RECK: variants seen among roughly 807,000 people sequenced by gnomAD.
RECK encodes reversion-inducing cysteine-rich protein with Kazal motifs.
In RECK, 69 loss-of-function variants were observed where a neutral mutation model predicts 115.1. That is an observed-to-expected ratio of 0.60 (90% CI 0.49 to 0.73). The LOEUF is 0.73. RECK is among the 30% of genes least tolerant of loss of function. The probability of loss-of-function intolerance (pLI) is 0.00; values close to 1 mark genes in which losing one functional copy is unlikely to be tolerated. For synonymous variants in RECK, 414 were observed against 419.7 expected, an observed-to-expected ratio of 0.99 and a Z score of 0.17; for missense variants, 1,047 against 1,203.7, an observed-to-expected ratio of 0.87 and a Z score of 1.93.
chr9:36,049,062 G>C (rs973325744), intron 1 of RECK, among the ~76,000 whole-genome samples: 19 of 152,050 alleles, frequency 1.2e-4, no homozygotes, highest in Non-Finnish European at 2.2e-4. Flanking sequence ...AATATAAGGG[G>C]TACAATTCAG....
At chr9:36,119,010 A>T in intron 18 of RECK, 43 bp downstream of exon 18, 5 of 1,576,146 alleles carry the variant, frequency 3.2e-6, no homozygotes, top group Non-Finnish European at 4.3e-6. Flanking sequence ...GACTGAGAAG[A>T]TTTGCTTATC....
rs183584600 is a variant in RECK at position 36,054,698 on chromosome 9, A to C, written c.159+2375A>C. Among the ~76,000 whole-genome samples, 52 of 152,220 alleles carry C rather than the reference A, an allele frequency of 3.4e-4. No homozygotes were observed. In the East Asian group the frequency reaches 8.3e-3, roughly 24 times the overall value. Reference sequence around the variant, plus strand: ...TAAAAGTCACACTGCAGGCATTAAAAATTTTTTAATAAAAATATTTACAGT... The same window carrying C: ...TAAAAGTCACACTGCAGGCATTAAACATTTTTTAATAAAAATATTTACAGT... On this transcript the variant is annotated intron_variant, in intron 2 of 20. Coordinates refer to ENST00000377966, the MANE Select transcript of RECK (RefSeq NM_021111.3).
At chr9:36,083,234 A>C (rs1285546663) in intron 7 of RECK, 131 bp from the exon 8 acceptor site, 24 of 903,612 alleles carry the variant, frequency 2.7e-5, no homozygotes, top group Non-Finnish European at 4.0e-5. Flanking sequence ...GCCGATTTTA[A>C]GTGTTCATCG....
chr9:36,115,703 C>T (rs1025060473), intron 16 of RECK, among the ~76,000 whole-genome samples: 36 of 152,024 alleles, frequency 2.4e-4, no homozygotes, highest in Non-Finnish European at 4.7e-4. Flanking sequence ...TGCATAGTGA[C>T]GGTGGTAGTG....
chr9:36,058,748 T>C lies in RECK; in HGVS notation c.160-79T>C, dbSNP rs540343717. The C allele has an allele frequency of 7.7e-6, 6 of 783,114 alleles. No homozygotes were observed. In the South Asian group the frequency reaches 1.3e-4, roughly 17 times the overall value. 48.5% of individuals were successfully genotyped at this position (783,114 alleles called of 1,614,324 possible). On this transcript the variant is annotated intron_variant, in intron 2 of 20. Coordinates refer to ENST00000377966, the MANE Select transcript of RECK (RefSeq NM_021111.3). ...GAAAATATTCTAGACAACTGATAAA[T>C]CTAGAGGATAATAAGTTTTACCTCT...
At position 36,116,992 on chromosome 9, in the gene RECK, C is replaced by A. The variant is rs763634592; in HGVS notation, c.2068C>A (p.Pro690Thr). ...NPCQKNQRCI[P>T]KPQVCLTTFD... Reference sequence around the variant, plus strand: ...TGCATTCGTCTTTTTCAGGTGCATACCCAAACCACAGGTCTGCCTGACGAC... The same window carrying A: ...TGCATTCGTCTTTTTCAGGTGCATAACCAAACCACAGGTCTGCCTGACGAC... The change falls in exon 17 of 21, where the codon CCC (proline) becomes ACC (threonine). Residue 690 changes from proline (P) to threonine (T), a missense_variant. Coordinates refer to ENST00000377966, the MANE Select transcript of RECK (RefSeq NM_021111.3). The A allele has an allele frequency of 6.2e-7, 1 of 1,609,486 alleles. No homozygotes were observed. The highest frequency in any genetic ancestry group is 1.3e-5 in the African/African-American group (1 of 74,966).
chr9:36,112,493 CTTA>C lies in RECK; in HGVS notation c.2060+20_2060+22del. The C allele has an allele frequency of 1.4e-5, 22 of 1,612,372 alleles. No individual in the cohort carries two copies. Among genetic ancestry groups the C allele is most frequent in the Non-Finnish European group, 1.9e-5 (22 of 1,178,834 alleles). On this transcript the variant is annotated intron_variant, in intron 16 of 20. Transcript: ENST00000377966. ...AAACCAAAGGTAAGTCAAATGGCTT[CTTA>C]TTTTATTCAACTGAAGACTAGTACT...
At chr9:36,060,627 T>C (rs2132581307) in intron 4 of RECK, among the ~76,000 whole-genome samples, 1 of 152,212 alleles carries the variant, frequency 6.6e-6, no homozygotes, top group Middle Eastern at 3.4e-3. Context: ...GACTCCACCT[T>C]GGCCTCAGAA....
intron 18 of RECK, 28 bp downstream of exon 18, chr9:36,118,995 G>T (rs1303084326): frequency 6.2e-7 from 1 of 1,600,792 alleles, no homozygotes; most frequent in South Asian, 1.1e-5. Context: ...GGGTGGACAG[G>T]GGAGGACTGA....
intron 12 of RECK, among the ~76,000 whole-genome samples, chr9:36,104,326 A>AATT (rs1823710452): frequency 3.6e-5 from 1 of 27,516 alleles, no homozygotes; most frequent in African/African-American, 2.1e-4. Context: ...ATATATATAT[A>AATT]TTTTTTTTTT....
At chr9:36,095,237 C>T (rs1174823897) in intron 10 of RECK, among the ~76,000 whole-genome samples, 1 of 152,064 alleles carries the variant, frequency 6.6e-6, no homozygotes, top group Non-Finnish European at 1.5e-5. Context: ...GCCAGTAAAT[C>T]CTGCAATTTA....
chr9:36,117,814 T>C (rs1431454234), intron 17 of RECK, among the ~76,000 whole-genome samples: 1 of 152,156 alleles, frequency 6.6e-6, no homozygotes, highest in Non-Finnish European at 1.5e-5. Flanking sequence ...ACCCCATCTC[T>C]ACTAAAAATA....
At chr9:36,064,002 T>G (rs1821890701) in intron 5 of RECK, 122 bp downstream of exon 5, 2 of 840,310 alleles carry the variant, frequency 2.4e-6, no homozygotes, top group Non-Finnish European at 3.8e-6. Context: ...ACTGCAAATT[T>G]AGCATTTTTT....
At chr9:36,041,003 T>C (rs1820844905) in intron 1 of RECK, among the ~76,000 whole-genome samples, 1 of 152,158 alleles carries the variant, frequency 6.6e-6, no homozygotes, top group Non-Finnish European at 1.5e-5. Flanking sequence ...TAAGCCAAAT[T>C]CCATACTTGT....
rs544703410 is a variant in RECK, at chr9:36,069,310, C to T, written c.405+3686C>T. Among the ~76,000 whole-genome samples, 18 of 151,834 alleles carry T rather than the reference C, an allele frequency of 1.2e-4. No homozygotes were observed. In the East Asian group the frequency reaches 1.5e-3, roughly 13 times the overall value. On this transcript the variant is annotated intron_variant, in intron 6 of 20. Coordinates refer to ENST00000377966, the MANE Select transcript of RECK (RefSeq NM_021111.3). Reference sequence around the variant, plus strand: ...ATCCCAGCACTTCGGGAGGCTGAGGCGGGTGGATCACCTGACGTCAGGAGT... The same window carrying T: ...ATCCCAGCACTTCGGGAGGCTGAGGTGGGTGGATCACCTGACGTCAGGAGT...
intron 6 of RECK, among the ~76,000 whole-genome samples, chr9:36,077,206 G>C (rs996339699): frequency 6.6e-6 from 1 of 152,096 alleles, no homozygotes; most frequent in African/African-American, 2.4e-5. Flanking sequence ...GTCAAAAGAG[G>C]CTCCATAGGA....
chr9:36,081,861 T>C (rs1294049093), intron 7 of RECK, among the ~76,000 whole-genome samples: 1 of 151,226 alleles, frequency 6.6e-6, no homozygotes, highest in Non-Finnish European at 1.5e-5. Flanking sequence ...TTGTTCTTTG[T>C]GAAGAAAATG....
rs756000641 is a variant in RECK, at chr9:36,118,837, C to T, written c.2334C>T (p.Arg778=). Residue 778 remains arginine (R), a synonymous_variant, in exon 18 of 21, where the codon CGC becomes CGT. Coordinates refer to ENST00000377966, the MANE Select transcript of RECK (RefSeq NM_021111.3). ...GTGTGTGTGCTGCCTACTCGGATCG[C>T]GTGGCAGTCGATTACTATGGGGACT... The part of the protein sequence containing the change: ...YSSVCAAYSD[R]VAVDYYGDCQ... 1.2e-5 allele frequency: 20 copies of T among 1,614,012 alleles called. No individual in the cohort carries two copies. The highest frequency in any genetic ancestry group is 4.4e-5 in the South Asian group (4 of 91,074).
At chr9:36,042,948 AT>A (rs1820924326) in intron 1 of RECK, among the ~76,000 whole-genome samples, 1 of 135,666 alleles carries the variant, frequency 7.4e-6, no homozygotes, top group Admixed American at 7.4e-5. Flanking sequence ...GCATTTTTTC[AT>A]ATGTTTGTTG....
Sources: allele counts gnomAD v4.1 joint callset (sites outside exome capture counted in the v4.1 genomes callset), GRCh38; gene constraint gnomAD v4.1.1; transcripts MANE v1.5; gene names NCBI Gene and HGNC (gene_info 2026-07-23, HGNC 2026-07-21).